Variants in AMMECR1 observed in about 807,000 individuals in gnomAD.
The protein encoded by AMMECR1 is AMMECR nuclear protein 1.
In AMMECR1, 3 loss-of-function variants were observed where a neutral mutation model predicts 22.5. That is an observed-to-expected ratio of 0.13 (90% CI 0.06 to 0.35). AMMECR1 has a LOEUF of 0.35. Among genes scored for constraint, AMMECR1 ranks in the 10% least tolerant of loss-of-function variants. The pLI is 1.00. For synonymous variants in AMMECR1, 130 were observed against 116.7 expected, an observed-to-expected ratio of 1.11 and a Z score of -0.74; for missense variants, 235 against 278.7, an observed-to-expected ratio of 0.84 and a Z score of 1.12.
chrX:110,277,267 A>G (rs2067830659), intron 1 of AMMECR1, among the ~76,000 whole-genome samples: 1 of 111,081 alleles, frequency 9.0e-6, no homozygotes, highest in Admixed American at 9.6e-5. Flanking sequence ...GATTAGTGCC[A>G]GCAGAAAAAT....
At chrX:110,372,930 G>A (rs2068349712) in intron 2 of AMMECR1, among the ~76,000 whole-genome samples, 1 of 111,856 alleles carries the variant, frequency 8.9e-6, no homozygotes, top group African/African-American at 3.3e-5. Flanking sequence ...AAAACAAAGA[G>A]TAGAAGGATG....
chrX:110,310,350 A>G (rs890577144), intron 1 of AMMECR1, among the ~76,000 whole-genome samples: 1 of 108,559 alleles, frequency 9.2e-6, no homozygotes, highest in African/African-American at 3.4e-5. Flanking sequence ...CTCTTCTTTT[A>G]CTTCTGCCAA....
intron 2 of AMMECR1, among the ~76,000 whole-genome samples, chrX:110,218,084 T>C (rs1164648816): frequency 9.0e-6 from 1 of 111,556 alleles, no homozygotes; most frequent in Non-Finnish European, 1.9e-5. Context: ...AAATTTCCTA[T>C]GGTTTGGCTT....
chrX:110,322,982 C>T (rs1210141360), upstream of AMMECR1, among the ~76,000 whole-genome samples: 1 of 111,778 alleles, frequency 8.9e-6, no homozygotes, highest in Non-Finnish European at 1.9e-5. Flanking sequence ...GGGCTGTTCA[C>T]CTTATGCCAC....
chrX:110,339,499 A>T (rs1413679709), intron 2 of AMMECR1, among the ~76,000 whole-genome samples: 5 of 99,136 alleles, frequency 5.0e-5, no homozygotes, highest in Admixed American at 4.5e-4. Flanking sequence ...TATTTTTATT[A>T]TTATTATTTT....
rs79294741 is a variant in AMMECR1, at chrX:110,236,871, T to G, written c.585-20239A>C. Among the ~76,000 whole-genome samples, 518 of 112,138 alleles carry G rather than the reference T, an allele frequency of 4.6e-3. 3 individuals are homozygous for G. The highest frequency in any genetic ancestry group is 0.016 in the African/African-American group (504 of 30,840). The stretch of plus-strand genomic sequence containing the variant: ...AGAAGGTGTTAACTGTTCTTTTTAG[T>G]CTTTAGATTACTGTACATTCAAAGT... On this transcript the variant is annotated intron_variant, in intron 2 of 5. Coordinates refer to ENST00000262844, the MANE Select transcript of AMMECR1 (RefSeq NM_015365.3).
intron 2 of AMMECR1, among the ~76,000 whole-genome samples, chrX:110,225,570 A>G (rs1055891256): frequency 1.8e-5 from 2 of 112,540 alleles, no homozygotes; most frequent in African/African-American, 6.5e-5. Context: ...GCTGGAGTCT[A>G]GAAGTGTTTC....
At chrX:110,371,053 C>T (rs6567858) in intron 2 of AMMECR1, among the ~76,000 whole-genome samples, 2,839 of 110,597 alleles carry the variant, frequency 0.026, 104 homozygotes, top group African/African-American at 0.089. Context: ...GTATAAAATG[C>T]CTTTGTGGAA....
At chrX:110,317,552 C>T (rs1314826327) in intron 1 of AMMECR1, 47 bp downstream of exon 1, 2 of 1,121,460 alleles carry the variant, frequency 1.8e-6, no homozygotes, top group African/African-American at 3.7e-5. Context: ...AACTCTGAGC[C>T]CCATCCCGAG....
intron 1 of AMMECR1, among the ~76,000 whole-genome samples, chrX:110,268,505 G>T (rs187180081): frequency 8.9e-6 from 1 of 112,056 alleles, no homozygotes; most frequent in South Asian, 3.7e-4. Context: ...ATAAGAATCC[G>T]GGAAGTTAAG....
chrX:110,333,308 G>A (rs980075348), intron 2 of AMMECR1, among the ~76,000 whole-genome samples: 2 of 111,593 alleles, frequency 1.8e-5, no homozygotes, highest in African/African-American at 3.3e-5. Flanking sequence ...TTAGAATGGC[G>A]ATCATTAAAA....
At chrX:110,420,658 A>AGGT (rs369566821) in intron 2 of AMMECR1, among the ~76,000 whole-genome samples, 2 of 112,047 alleles carry the variant, frequency 1.8e-5, no homozygotes, top group African/African-American at 6.5e-5. Context: ...GGGTGTGGGG[A>AGGT]GGTGGTGGTG....
At chrX:110,289,401 A>G (rs1005045682) in intron 1 of AMMECR1, among the ~76,000 whole-genome samples, 1 of 112,030 alleles carries the variant, frequency 8.9e-6, no homozygotes, top group African/African-American at 3.2e-5. Context: ...ATGAGAGATG[A>G]TTATACTCAT....
In AMMECR1 at chrX:110,317,799, G is replaced by C. The variant is rs2068057933; in HGVS notation, c.273C>G (p.Cys91Trp). The C allele has an allele frequency of 8.6e-7, 1 of 1,164,939 alleles. No individual in the cohort carries two copies. Among genetic ancestry groups the C allele is most frequent in the African/African-American group, 1.8e-5 (1 of 55,776 alleles). The change falls in exon 1 of 6, where the codon TGC (cysteine) becomes TGG (tryptophan). Residue 91 changes from cysteine (C) to tryptophan (W), a missense_variant. By Grantham distance (215) the Cys-to-Trp change is radical. Around this residue, in one of 2 missense-constraint regions of AMMECR1, gnomAD observed 124 missense variants for 97.0 expected, o/e 1.28. Coordinates refer to ENST00000262844, the MANE Select transcript of AMMECR1 (RefSeq NM_015365.3). ...GGIALSPPPS[C>W]GVGTLLSTPA... ...GGGTAGAAAGTAGGGTCCCCACTCC[G>C]CAGCTCGGAGGTGGCGACAGGGCGA... is the stretch of plus-strand genomic sequence containing the variant.
intron 2 of AMMECR1, among the ~76,000 whole-genome samples, chrX:110,355,372 C>T (rs183277586): frequency 2.2e-4 from 25 of 111,930 alleles, no homozygotes; most frequent in African/African-American, 8.1e-4. Context: ...CACACTTCAG[C>T]CTGGGCAACA....
rs1193254959 is a variant in AMMECR1, at chrX:110,215,052, T to C, written c.699+1466A>G. On this transcript the variant is annotated intron_variant, in intron 3 of 5. Coordinates refer to ENST00000262844, the MANE Select transcript of AMMECR1 (RefSeq NM_015365.3). ...TTTGTAGACTTTTCTTTAAGAAAAA[T>C]CAAGTAAGAACAACAAACTTATAGC... is the stretch of plus-strand genomic sequence containing the variant. Among the ~76,000 whole-genome samples, 3 of 112,041 alleles carry C rather than the reference T, an allele frequency of 2.7e-5. No homozygotes were observed. In the East Asian group the frequency reaches 8.3e-4, roughly 31 times the overall value.
chrX:110,297,913 A>T (rs1471590300), intron 1 of AMMECR1, among the ~76,000 whole-genome samples: 1 of 111,825 alleles, frequency 8.9e-6, no homozygotes, highest in Non-Finnish European at 1.9e-5. Context: ...GAAGAGAGAA[A>T]ATATGATCAG....
chrX:110,210,587 G>C (rs182691283), intron 3 of AMMECR1, among the ~76,000 whole-genome samples: 1 of 111,690 alleles, frequency 9.0e-6, no homozygotes, highest in African/African-American at 3.3e-5. Context: ...AACCTTTAAG[G>C]GGGGAGTGAG....
intron 2 of AMMECR1, chrX:110,426,560 C>G (rs750331778): frequency 8.9e-6 from 1 of 112,284 alleles, no homozygotes; most frequent in South Asian, 3.7e-4. Flanking sequence ...GAATTCCTTA[C>G]CTATGCGTGA....
Sources: gnomAD v4.1 joint callset for allele counts (sites outside exome capture counted in the v4.1 genomes callset) on GRCh38, gnomAD v4.1.1 for gene constraint, gnomAD v4.1.1 regional missense constraint, MANE v1.5 for transcripts, NCBI Gene and HGNC (gene_info 2026-07-23, HGNC 2026-07-21) for gene names.